Variants in MAGEB2 observed in about 807,000 individuals in gnomAD.
MAGEB2 encodes melanoma-associated antigen B2.
For missense variants in MAGEB2, 365 were observed against 243.2 expected (o/e 1.50, Z -3.33); for synonymous variants, 107 against 96.2 (o/e 1.11, Z -0.66).
chrX:30,217,256 A>G (rs1307183190), intron 1 of MAGEB2, among the ~76,000 whole-genome samples: 1 of 112,173 alleles, frequency 8.9e-6, no homozygotes, highest in Admixed American at 9.4e-5. Flanking sequence ...AGGAAGCATG[A>G]TGCTGGCATT....
At chrX:30,216,343 C>G (rs1243698762) in intron 1 of MAGEB2, among the ~76,000 whole-genome samples, 1 of 110,553 alleles carries the variant, frequency 9.0e-6, no homozygotes, top group Non-Finnish European at 1.9e-5. Flanking sequence ...CTCTAGTTTC[C>G]TCTGGAGGTG....
intron 1 of MAGEB2, among the ~76,000 whole-genome samples, chrX:30,217,124 T>G (rs1327372417): frequency 9.0e-6 from 1 of 110,992 alleles, no homozygotes; most frequent in East Asian, 2.8e-4. Context: ...CTGAGGGTGG[T>G]GATCACTTGT....
At chrX:30,215,820 T>G in intron 1 of MAGEB2, among the ~76,000 whole-genome samples, 165 bp downstream of exon 1, 1 of 102,008 alleles carries the variant, frequency 9.8e-6, no homozygotes, top group Non-Finnish European at 2.0e-5. Flanking sequence ...GGAGGGGCAG[T>G]CGCGGGGGAA....
chrX:30,219,583 C>G lies in MAGEB2; in HGVS notation c.*43C>G. 1 of 1,114,154 alleles carries G rather than the reference C, an allele frequency of 9.0e-7. No homozygotes were observed. The highest frequency in any genetic ancestry group is 1.8e-5 in the African/African-American group (1 of 54,926). The allele number at this position is 1,114,154 out of a possible 1,213,427, so 91.8% of individuals were successfully genotyped here. On this transcript the variant is annotated 3_prime_UTR_variant, in exon 2 of 2. Coordinates refer to ENST00000378988, the MANE Select transcript of MAGEB2 (RefSeq NM_002364.5). ...GCCTTGCACTACTGCCATAGCCAAT[C>G]AATCTCCCAAAGCCAAGTTTACCTG...
chrX:30,218,933 T>G lies in MAGEB2; in HGVS notation c.353T>G (p.Leu118Trp). The change falls in exon 2 of 2, where the codon TTG becomes TGG. Residue 118 changes from leucine (L) to tryptophan (W), a missense_variant. Coordinates refer to ENST00000378988, the MANE Select transcript of MAGEB2 (RefSeq NM_002364.5). The stretch of plus-strand genomic sequence containing the variant: ...CCTCTAACCAGGAAGTCAGGGTCGT[T>G]GGTGCAGTTCCTGTTGTACAAGTAT... Reference protein sequence around the residue: ...EDPLTRKSGSLVQFLLYKYKI... With the variant: ...EDPLTRKSGSWVQFLLYKYKI... 2 of 1,210,830 alleles carry G rather than the reference T, an allele frequency of 1.7e-6. No individual in the cohort carries two copies. Among genetic ancestry groups the G allele is most frequent in the Non-Finnish European group, 2.2e-6 (2 of 894,859 alleles).
At position 30,219,050 on chromosome X, in the gene MAGEB2, C is replaced by T. The variant is rs769180547; in HGVS notation, c.470C>T (p.Ser157Phe). The T allele has an allele frequency of 3.3e-6, 4 of 1,210,962 alleles. No homozygotes were observed. The highest frequency in any genetic ancestry group is 4.5e-6 in the Non-Finnish European group (4 of 894,990). ...EHFPEILKKA[S>F]EGLSVVFGLE... ...TTCCCTGAGATCCTCAAGAAAGCCT[C>T]TGAGGGCCTCAGTGTTGTCTTTGGC... The change falls in exon 2 of 2, where the codon TCT becomes TTT. Residue 157 changes from serine (S) to phenylalanine (F), a missense_variant. By Grantham distance (155) the Ser-to-Phe change is radical. Coordinates refer to ENST00000378988, the MANE Select transcript of MAGEB2 (RefSeq NM_002364.5).
rs1260740238 is a variant in MAGEB2, at chrX:30,218,794, G to A, written c.214G>A (p.Ala72Thr). Reference sequence around the variant, plus strand: ...GAGAGCCCCAACCACTGCCGCTGCTGCGGCTGCGGGTGTTTCATCCACAAA... The same window carrying A: ...GAGAGCCCCAACCACTGCCGCTGCTACGGCTGCGGGTGTTTCATCCACAAA... ...PQRAPTTAAA[A>T]AAGVSSTKSK... is the part of the protein sequence containing the mutation. Residue 72 changes from alanine (A) to threonine (T), a missense_variant, in exon 2 of 2, where the codon GCG becomes ACG. Coordinates refer to ENST00000378988, the MANE Select transcript of MAGEB2 (RefSeq NM_002364.5). 1.3e-5 allele frequency: 15 copies of A among 1,186,519 alleles called. No homozygotes were observed. Among genetic ancestry groups the A allele is most frequent in the Non-Finnish European group, 1.7e-5 (15 of 882,787 alleles).
At chrX:30,216,408 G>A (rs1163442814) in intron 1 of MAGEB2, among the ~76,000 whole-genome samples, 1 of 111,384 alleles carries the variant, frequency 9.0e-6, no homozygotes, top group Non-Finnish European at 1.9e-5. Context: ...GCGACAGAGA[G>A]GCCCAGTCTC....
chrX:30,218,506 A>G, intron 1 of MAGEB2, 70 bp from the exon 2 acceptor site: 1 of 1,136,947 alleles, frequency 8.8e-7, no homozygotes, highest in Non-Finnish European at 1.2e-6. Flanking sequence ...AGGTGCTCAC[A>G]GATCTCATTC....
At chrX:30,216,510 A>G (rs1781608207) in intron 1 of MAGEB2, among the ~76,000 whole-genome samples, 1 of 111,464 alleles carries the variant, frequency 9.0e-6, no homozygotes, top group African/African-American at 3.3e-5. Flanking sequence ...TTGTCAGACC[A>G]GGGAGACCTG....
At position 30,219,326 on chromosome X, in the gene MAGEB2, C is replaced by A; in HGVS notation, c.746C>A (p.Thr249Asn). 1 of 1,211,634 alleles carries A rather than the reference C, an allele frequency of 8.3e-7. No homozygotes were observed. Among genetic ancestry groups the A allele is most frequent in the African/African-American group, 1.7e-5 (1 of 57,825 alleles). ...SVFGEPWKLI[T>N]KDLVQEKYLE... Reference sequence around the variant, plus strand: ...TTTGGGGAACCCTGGAAGCTCATCACCAAAGATCTGGTGCAGGAAAAATAT... The same window carrying A: ...TTTGGGGAACCCTGGAAGCTCATCAACAAAGATCTGGTGCAGGAAAAATAT... Residue 249 changes from threonine (T) to asparagine (N), a missense_variant, in exon 2 of 2, where the codon ACC becomes AAC. Physicochemically the swap from Thr to Asn is moderately conservative, Grantham distance 65. Coordinates refer to ENST00000378988, the MANE Select transcript of MAGEB2 (RefSeq NM_002364.5).
Position 30,219,473 on chromosome X carries a change from C to A in MAGEB2, c.893C>A (p.Thr298Asn), listed in dbSNP as rs374280154. 44 of 1,209,389 alleles carry A rather than the reference C, an allele frequency of 3.6e-5. No individual in the cohort carries two copies. The highest frequency in any genetic ancestry group is 2.3e-4 in the Middle Eastern group (1 of 4,370). ...VLEFLAKVNG[T>N]TPCAFPTHYE... The stretch of plus-strand genomic sequence containing the variant: ...GAGTTTTTGGCCAAGGTAAATGGTA[C>A]CACCCCCTGTGCCTTCCCAACCCAT... The change falls in exon 2 of 2, where the codon ACC becomes AAC. Residue 298 changes from threonine (T) to asparagine (N), a missense_variant. Thr to Asn is a moderately conservative substitution (Grantham distance 65). Transcript: ENST00000378988.
rs767747644 is a variant in MAGEB2, at chrX:30,219,251, G to C, written c.671G>C (p.Trp224Ser). The change falls in exon 2 of 2, where the codon TGG (tryptophan) becomes TCG (serine). Residue 224 changes from tryptophan to serine, a missense_variant. Transcript: ENST00000378988. ...AACTCAGCTACTGAGGAAGAGATCT[G>C]GGAATTCCTGAATATGTTGGGAGTC... The part of the protein sequence containing the change: ...NGNSATEEEI[W>S]EFLNMLGVYD... 2 of 1,211,354 alleles carry C rather than the reference G, an allele frequency of 1.7e-6. No homozygotes were observed. The highest frequency in any genetic ancestry group is 2.2e-6 in the Non-Finnish European group (2 of 895,334).
At chrX:30,216,885 TTAAA>T (rs1315640015) in intron 1 of MAGEB2, among the ~76,000 whole-genome samples, 2 of 89,327 alleles carry the variant, frequency 2.2e-5, no homozygotes, top group Non-Finnish European at 4.4e-5. Flanking sequence ...ACTCCGTCTC[TTAAA>T]AAAAAAAAAA....
At chrX:30,215,762 T>A (rs1482868195) in intron 1 of MAGEB2, 107 bp downstream of exon 1, 1 of 88,803 alleles carries the variant, frequency 1.1e-5, no homozygotes, top group Non-Finnish European at 2.1e-5. Context: ...GGTAAAGCCG[T>A]CCGGCAATGT....
rs1924477015 is a variant in MAGEB2, at chrX:30,218,854, A to G, written c.274A>G (p.Lys92Glu). The G allele has an allele frequency of 8.3e-7, 1 of 1,201,218 alleles. No homozygotes were observed. Among genetic ancestry groups the G allele is most frequent in the African/African-American group, 1.8e-5 (1 of 57,114 alleles). Reference protein sequence around the residue: ...KKGAKSHQGEKNASSSQASTS... With the variant: ...KKGAKSHQGEENASSSQASTS... ...AGGTGCCAAGAGCCACCAAGGTGAG[A>G]AAAATGCAAGTTCCTCCCAGGCCTC... Residue 92 changes from lysine (K) to glutamate (E), a missense_variant, in exon 2 of 2, where the codon AAA becomes GAA. Physicochemically the swap from Lys to Glu is moderately conservative, Grantham distance 56 (BLOSUM62 1). Coordinates refer to ENST00000378988, the MANE Select transcript of MAGEB2 (RefSeq NM_002364.5).
chrX:30,219,415 G>T lies in MAGEB2; in HGVS notation c.835G>T (p.Ala279Ser), dbSNP rs1924506643. 3 of 1,211,841 alleles carry T rather than the reference G, an allele frequency of 2.5e-6. No individual in the cohort carries two copies. The East Asian group carries it at 8.9e-5, about 36-fold the overall frequency. The change falls in exon 2 of 2, where the codon GCC becomes TCC. Residue 279 changes from alanine to serine, a missense_variant. Physicochemically the swap from Ala to Ser is moderately conservative, Grantham distance 99. Coordinates refer to ENST00000378988, the MANE Select transcript of MAGEB2 (RefSeq NM_002364.5). ...CTTTCAATTCCTGTGGGGTCCGAGA[G>T]CCTATGCTGAAACCAGCAAGATGAA... ...PRFQFLWGPR[A>S]YAETSKMKVL...
At position 30,219,295 on chromosome X, in the gene MAGEB2, T is replaced by C. The variant is rs748819651; in HGVS notation, c.715T>C (p.Ser239Pro). ...GGGAGTCTATGATGGAGAGGAGCAC[T>C]CAGTCTTTGGGGAACCCTGGAAGCT... ...MLGVYDGEEH[S>P]VFGEPWKLIT... The change falls in exon 2 of 2, where the codon TCA becomes CCA. Residue 239 changes from serine (S) to proline (P), a missense_variant. Coordinates refer to ENST00000378988, the MANE Select transcript of MAGEB2 (RefSeq NM_002364.5). The C allele has an allele frequency of 1.3e-5, 16 of 1,209,645 alleles. No homozygotes were observed. Among genetic ancestry groups the C allele is most frequent in the African/African-American group, 1.2e-4 (7 of 57,065 alleles).
chrX:30,216,898 A>AAAAAAAAAC (rs1263975859), intron 1 of MAGEB2, among the ~76,000 whole-genome samples: 1 of 106,733 alleles, frequency 9.4e-6, no homozygotes, highest in African/African-American at 3.4e-5. Context: ...AAAAAAAAAA[A>AAAAAAAAAC]AAAAAAGGCA....
Sources: allele counts gnomAD v4.1 joint callset (sites outside exome capture counted in the v4.1 genomes callset), GRCh38; gene constraint gnomAD v4.1.1; transcripts MANE v1.5; gene names NCBI Gene and HGNC (gene_info 2026-07-23, HGNC 2026-07-21).